The following UNC13C variants were observed in gnomAD, a reference collection of about 807,000 sequenced individuals.
UNC13C encodes unc-13 homolog C, also known as protein unc-13 homolog C.
Under a neutral mutation model 245.4 loss-of-function variants are expected in UNC13C, and 174 were observed. That is an observed-to-expected ratio of 0.71 (90% CI 0.63 to 0.80). The LOEUF (loss-of-function observed/expected upper bound fraction) is 0.80, where lower values mean the gene tolerates loss of function less well. UNC13C is among the 30% of genes least tolerant of loss of function. The pLI, the probability that UNC13C is intolerant of heterozygous loss-of-function variation, is 0.00. For missense variants in UNC13C, 2,829 were observed against 2,602.9 expected (o/e 1.09, Z -1.89); for synonymous variants, 992 against 895.1 (o/e 1.11, Z -1.93).
At position 54,444,261 on chromosome 15, in the gene UNC13C, T is replaced by A. The variant is rs147666066; in HGVS notation, c.4933+29194T>A. Among the ~76,000 whole-genome samples, 756 of 151,534 alleles carry A rather than the reference T, an allele frequency of 5.0e-3. 5 individuals are homozygous for A. The highest frequency in any genetic ancestry group is 0.017 in the African/African-American group (707 of 41,434). On this transcript the variant is annotated intron_variant, in intron 19 of 32. Coordinates refer to ENST00000260323, the MANE Select transcript of UNC13C (RefSeq NM_001080534.3). ...TGTTGACGTGGAATATCATTTTTCATTCCCTTACTTTTGATAAATGTATAT... is the reference window on the plus strand; with the variant it reads ...TGTTGACGTGGAATATCATTTTTCAATCCCTTACTTTTGATAAATGTATAT...
At chr15:54,338,030 T>A (rs2038634792) in intron 16 of UNC13C, among the ~76,000 whole-genome samples, 2 of 152,192 alleles carry the variant, frequency 1.3e-5, no homozygotes, top group Admixed American at 6.5e-5. Flanking sequence ...GATTTTTGTT[T>A]CTATCATTCA....
At chr15:54,230,713 GA>G (rs1195441909) in intron 4 of UNC13C, among the ~76,000 whole-genome samples, 1 of 151,886 alleles carries the variant, frequency 6.6e-6, no homozygotes, top group Non-Finnish European at 1.5e-5. Context: ...GAAAACCACT[GA>G]AAATATTTAA....
At chr15:54,441,796 C>T (rs1890541239) in intron 19 of UNC13C, among the ~76,000 whole-genome samples, 2 of 151,898 alleles carry the variant, frequency 1.3e-5, no homozygotes, top group Admixed American at 6.6e-5. Flanking sequence ...ATTGTTTTAA[C>T]AATATTTCTT....
At chr15:54,355,024 G>T (rs1253855317) in intron 17 of UNC13C, among the ~76,000 whole-genome samples, 1 of 151,956 alleles carries the variant, frequency 6.6e-6, no homozygotes, top group East Asian at 1.9e-4. Flanking sequence ...AGGAAGAAAG[G>T]CCTGAACTAT....
chr15:54,621,235 T>A lies in UNC13C; in HGVS notation c.6107-1092T>A, dbSNP rs893369605. Among the ~76,000 whole-genome samples, 7 of 152,308 alleles carry A rather than the reference T, an allele frequency of 4.6e-5. No homozygotes were observed. In the South Asian group the frequency reaches 1.5e-3, roughly 32 times the overall value. On this transcript the variant is annotated intron_variant, in intron 30 of 32. Transcript: ENST00000260323. ...TTCATTTTTATGAAAATAAGATCTTTATTAATCTAATACATTGCAAATGAG... is the reference window on the plus strand; with the variant it reads ...TTCATTTTTATGAAAATAAGATCTTAATTAATCTAATACATTGCAAATGAG...
intron 4 of UNC13C, among the ~76,000 whole-genome samples, chr15:54,181,379 C>T (rs565093862): frequency 1.3e-5 from 2 of 152,022 alleles, no homozygotes; most frequent in Non-Finnish European, 2.9e-5. Flanking sequence ...TGTACAAGTA[C>T]CAAGCTGCTT....
At chr15:54,308,942 A>G (rs1014671869) in intron 13 of UNC13C, among the ~76,000 whole-genome samples, 3 of 151,812 alleles carry the variant, frequency 2.0e-5, no homozygotes, top group African/African-American at 7.3e-5. Context: ...TATCTCGGCT[A>G]TTGTGAGTAA....
intron 25 of UNC13C, among the ~76,000 whole-genome samples, chr15:54,527,968 G>T (rs1267336030): frequency 6.6e-6 from 1 of 152,142 alleles, no homozygotes; most frequent in Non-Finnish European, 1.5e-5. Context: ...AAGTCACAAT[G>T]CACAATTTTA....
At chr15:53,923,518 A>T in the UNC13C span, among the ~76,000 whole-genome samples, 1 of 152,236 alleles carries the variant, frequency 6.6e-6, no homozygotes, top group East Asian at 1.9e-4. Context: ...CTTGAAGGAT[A>T]CTTCCCCTAT....
At chr15:54,518,453 C>G (rs7180226) in intron 24 of UNC13C, among the ~76,000 whole-genome samples, 37,512 of 152,064 alleles carry the variant, frequency 0.25, 4,740 homozygotes, top group Middle Eastern at 0.3. Context: ...GGAGAAAGGA[C>G]ACATGCCCCA....
In UNC13C at chr15:53,999,708, TAG is replaced by T. The variant is rs563339037; in HGVS notation, c.-256-12939_-256-12938del. On this transcript the variant is annotated intron_variant, in intron 1 of 32. Coordinates refer to ENST00000260323, the MANE Select transcript of UNC13C (RefSeq NM_001080534.3). ...TAAATTCATGTTTAAGCACTGCCTT[TAG>T]CTGTGTCCCATACATTTTGGTATGT... is the stretch of plus-strand genomic sequence containing the variant. Among the ~76,000 whole-genome samples, 580 of 152,172 alleles carry T rather than the reference TAG, an allele frequency of 3.8e-3. 5 individuals are homozygous for T. The highest frequency in any genetic ancestry group is 0.013 in the African/African-American group (559 of 41,576).
At chr15:54,171,259 A>G (rs2033388100) in intron 4 of UNC13C, among the ~76,000 whole-genome samples, 1 of 152,154 alleles carries the variant, frequency 6.6e-6, no homozygotes, top group Non-Finnish European at 1.5e-5. Context: ...ACAGGATCAG[A>G]TCAACTTAAA....
At chr15:54,336,489 C>A (rs1299649437) in intron 16 of UNC13C, among the ~76,000 whole-genome samples, 1 of 139,122 alleles carries the variant, frequency 7.2e-6, no homozygotes, top group Non-Finnish European at 1.6e-5. Flanking sequence ...TCTACTTTAT[C>A]ATTTTTTTTT....
intron 19 of UNC13C, among the ~76,000 whole-genome samples, chr15:54,428,501 T>C (rs1307809091): frequency 6.6e-6 from 1 of 151,588 alleles, no homozygotes; most frequent in South Asian, 2.1e-4. Flanking sequence ...AATCCTTTAC[T>C]ACTTTATAAA....
chr15:54,171,594 C>T (rs2033400195), intron 4 of UNC13C, among the ~76,000 whole-genome samples: 1 of 152,008 alleles, frequency 6.6e-6, no homozygotes, highest in Non-Finnish European at 1.5e-5. Flanking sequence ...AACCAAAAGA[C>T]AGACAATAAC....
intron 4 of UNC13C, among the ~76,000 whole-genome samples, chr15:54,158,422 G>A (rs565314532): frequency 2.6e-5 from 4 of 151,468 alleles, no homozygotes; most frequent in South Asian, 4.2e-4. Flanking sequence ...TCCACCTCCC[G>A]GGTTCTCACC....
downstream of UNC13C, chr15:54,631,453 A>T (rs1393805216): frequency 6.6e-6 from 1 of 152,210 alleles, no homozygotes; most frequent in African/African-American, 2.4e-5. Flanking sequence ...AACAGTCAAG[A>T]TATGGGACAA....
the UNC13C span, among the ~76,000 whole-genome samples, chr15:53,926,168 G>A: frequency 0.029 from 4,447 of 151,652 alleles, 238 homozygotes; most frequent in African/African-American, 0.1. Flanking sequence ...TTAAAGCAGA[G>A]GTGCTTTCTG....
intron 4 of UNC13C, among the ~76,000 whole-genome samples, chr15:54,197,212 C>T (rs1241529023): frequency 2.0e-5 from 3 of 152,150 alleles, no homozygotes; most frequent in Non-Finnish European, 2.9e-5. Context: ...CACAGTGGCT[C>T]ACGCCTGTAA....
Sources: allele counts gnomAD v4.1 joint callset (sites outside exome capture counted in the v4.1 genomes callset), GRCh38; gene constraint gnomAD v4.1.1; transcripts MANE v1.5; gene names NCBI Gene and HGNC (gene_info 2026-07-23, HGNC 2026-07-21).